Variants in CEP63 observed in about 807,000 individuals in gnomAD.
CEP63 encodes centrosomal protein of 63 kDa.
A neutral mutation model predicts 89.1 loss-of-function variants in CEP63; 84 were observed. The ratio of observed to expected loss-of-function variants is 0.94; its 90% CI spans 0.79 to 1.13. The LOEUF (loss-of-function observed/expected upper bound fraction) is 1.13. CEP63 is among the 50% of genes most tolerant of loss of function. The pLI is 0.00. For synonymous variants in CEP63, 267 were observed against 272.5 expected (o/e 0.98, Z 0.20); for missense variants, 838 against 813.3 (o/e 1.03, Z -0.37).
At chr3:134,608,881 G>A in the CEP63 span, 1 of 1,568,934 alleles carries the variant, frequency 6.4e-7, no homozygotes, top group Non-Finnish European at 8.7e-7. Context: ...CTCCATGCAG[G>A]GGAGGCAGGG....
intron 1 of CEP63, among the ~76,000 whole-genome samples, chr3:134,494,758 C>G (rs1939149275): frequency 1.3e-5 from 2 of 152,122 alleles, no homozygotes; most frequent in Non-Finnish European, 2.9e-5. Context: ...TGGGAGGGCC[C>G]TGTGGCTGCC....
chr3:134,651,123 T>C, the CEP63 span: 2 of 1,497,062 alleles, frequency 1.3e-6, no homozygotes, highest in Non-Finnish European at 1.8e-6. Context: ...TCGCTGACTC[T>C]GCCAAACACG....
chr3:134,596,545 G>C, the CEP63 span, among the ~76,000 whole-genome samples: 1 of 152,152 alleles, frequency 6.6e-6, no homozygotes, highest in Non-Finnish European at 1.5e-5. Flanking sequence ...ACAGAGTTGG[G>C]CAAAAACACA....
rs138355549 is a variant in CEP63, at chr3:134,561,701, C to A, written c.*166C>A. On this transcript the variant is annotated 3_prime_UTR_variant, in exon 15 of 15. Transcript: ENST00000675561. ...AACTGATACTTTTGATAGGCATTTT[C>A]TCTGCACTGGTTTGTTTAAAGGACT... 4 of 1,445,546 alleles carry A rather than the reference C, an allele frequency of 2.8e-6. No individual in the cohort carries two copies. Among genetic ancestry groups the A allele is most frequent in the Non-Finnish European group, 3.6e-6 (4 of 1,105,994 alleles). 89.5% of individuals were successfully genotyped at this position (1,445,546 alleles called of 1,614,324 possible).
the CEP63 span, among the ~76,000 whole-genome samples, chr3:134,693,602 G>A: frequency 2.6e-5 from 4 of 152,190 alleles, no homozygotes; most frequent in African/African-American, 4.8e-5. Flanking sequence ...AAAAATATGC[G>A]CTCATTTATG....
the CEP63 span, among the ~76,000 whole-genome samples, chr3:134,777,733 C>G: frequency 6.6e-6 from 1 of 150,410 alleles, no homozygotes; most frequent in Non-Finnish European, 1.5e-5. Context: ...CCTGCCTCAG[C>G]CTCTCGAGTA....
chr3:134,632,396 G>A, the CEP63 span, among the ~76,000 whole-genome samples: 1 of 151,900 alleles, frequency 6.6e-6, no homozygotes, highest in Non-Finnish European at 1.5e-5. Flanking sequence ...GAAGAGAACT[G>A]AAATCATACA....
the CEP63 span, among the ~76,000 whole-genome samples, chr3:134,748,040 T>C: frequency 2.0e-5 from 3 of 152,154 alleles, no homozygotes; most frequent in Non-Finnish European, 4.4e-5. Context: ...CACCTCGGCC[T>C]TCCAAAGTGC....
At chr3:134,627,253 C>A in the CEP63 span, among the ~76,000 whole-genome samples, 1 of 152,062 alleles carries the variant, frequency 6.6e-6, no homozygotes, top group Non-Finnish European at 1.5e-5. Flanking sequence ...TAAAGCAAAA[C>A]AATAGGAAGA....
At chr3:134,611,835 G>A in the CEP63 span, among the ~76,000 whole-genome samples, 2 of 152,242 alleles carry the variant, frequency 1.3e-5, no homozygotes, top group African/African-American at 4.8e-5. Flanking sequence ...CAGGGGAATG[G>A]GGTGAAATGG....
chr3:134,545,873 A>G (rs1206101456), intron 7 of CEP63, 54 bp downstream of exon 7: 32 of 1,325,184 alleles, frequency 2.4e-5, no homozygotes, highest in Admixed American at 1.6e-4. Context: ...GTATTTTAAG[A>G]GAGTGTTATT....
chr3:134,637,984 G>A, the CEP63 span, among the ~76,000 whole-genome samples: 1 of 152,208 alleles, frequency 6.6e-6, no homozygotes, highest in Non-Finnish European at 1.5e-5. Context: ...CTCTTGGACA[G>A]GGGTCAATGT....
the CEP63 span, among the ~76,000 whole-genome samples, chr3:134,699,637 A>G: frequency 5.3e-5 from 8 of 152,124 alleles, no homozygotes; most frequent in Admixed American, 1.3e-4. Context: ...TGTCGTCCTC[A>G]CGGTTCTATG....
chr3:134,533,031 G>A (rs1950151140), intron 5 of CEP63, 131 bp downstream of exon 5: 1 of 891,870 alleles, frequency 1.1e-6, no homozygotes, highest in Non-Finnish European at 1.8e-6. Context: ...TATTTCAGAG[G>A]TGAGAGGGTG....
Position 134,507,225 on chromosome 3 carries a change from T to C in CEP63, c.161T>C (p.Leu54Ser), listed in dbSNP as rs1250493073. The C allele has an allele frequency of 6.2e-7, 1 of 1,613,900 alleles. No individual in the cohort carries two copies. Among genetic ancestry groups the C allele is most frequent in the Non-Finnish European group, 8.5e-7 (1 of 1,179,892 alleles). The change falls in exon 3 of 15, where the codon TTG becomes TCG. Residue 54 changes from leucine (L) to serine (S), a missense_variant. Physicochemically the swap from Leu to Ser is moderately radical, Grantham distance 145. Transcript: ENST00000675561. ...CGTACACATGCTCTAGAAACTTGCTTGAAAATCCGTGAACAGGAACTTAAG... is the reference window on the plus strand; with the variant it reads ...CGTACACATGCTCTAGAAACTTGCTCGAAAATCCGTGAACAGGAACTTAAG... ...EGRTHALETC[L>S]KIREQELKSL...
the CEP63 span, among the ~76,000 whole-genome samples, chr3:134,735,108 G>A: frequency 1.1e-4 from 17 of 151,902 alleles, no homozygotes; most frequent in South Asian, 6.2e-4. Flanking sequence ...TTTTCTTTTC[G>A]TTTCAGCCTC....
Position 134,561,743 on chromosome 3 carries a change from T to G in CEP63, c.*208T>G. On this transcript the variant is annotated 3_prime_UTR_variant, in exon 15 of 15. Coordinates refer to ENST00000675561, the MANE Select transcript of CEP63 (RefSeq NM_001353108.3). ...TAAAGGACTTCTTCCAGCAATAAGT[T>G]GAAAGAATAAACCACTTTGCTAGAC... 1.2e-5 allele frequency: 17 copies of G among 1,388,644 alleles called. No homozygotes were observed. Among genetic ancestry groups the G allele is most frequent in the Non-Finnish European group, 1.6e-5 (17 of 1,074,950 alleles). The allele number at this position is 1,388,644 out of a possible 1,614,324, so 86.0% of individuals were successfully genotyped here. A position where few individuals can be genotyped will look rare whatever the true frequency, so the allele number is the denominator to read the frequency against.
chr3:134,770,512 T>C, the CEP63 span, among the ~76,000 whole-genome samples: 3 of 152,254 alleles, frequency 2.0e-5, no homozygotes, highest in African/African-American at 7.2e-5. Flanking sequence ...CACTTGATTC[T>C]ATTCTCAGGA....
chr3:134,486,073 G>A lies in CEP63; in HGVS notation c.-155G>A. 2.0e-6 allele frequency: 2 copies of A among 985,426 alleles called. No homozygotes were observed. Among genetic ancestry groups the A allele is most frequent in the Non-Finnish European group, 2.4e-6 (2 of 830,032 alleles). 61.0% of individuals were successfully genotyped at this position (985,426 alleles called of 1,614,324 possible). On this transcript the variant is annotated 5_prime_UTR_variant, in exon 1 of 15. Transcript: ENST00000675561. Reference sequence around the variant, plus strand: ...TGTGGGTGAGTTCATTTGCTCGCGTGCAGGGGAAGTCTGGAGAAGGCATTG... The same window carrying A: ...TGTGGGTGAGTTCATTTGCTCGCGTACAGGGGAAGTCTGGAGAAGGCATTG...
Sources: gnomAD v4.1 joint callset for allele counts (sites outside exome capture counted in the v4.1 genomes callset) on GRCh38, gnomAD v4.1.1 for gene constraint, MANE v1.5 for transcripts, NCBI Gene and HGNC (gene_info 2026-07-23, HGNC 2026-07-21) for gene names.